Variants in ATP9A observed in about 807,000 individuals in gnomAD.
ATP9A encodes probable phospholipid-transporting ATPase IIA.
ATP9A carries 52 observed loss-of-function variants against 144.1 expected under a neutral mutation model. That is an observed-to-expected ratio of 0.36 (90% CI 0.29 to 0.45). The LOEUF is 0.45. ATP9A is among the 20% of genes least tolerant of loss of function. The pLI is 1.00. For synonymous variants in ATP9A, 582 were observed against 557.4 expected (o/e 1.04, Z -0.62); for missense variants, 947 against 1,392.7 (o/e 0.68, Z 5.09).
At chr20:51,689,826 CAA>C (rs996047159) in intron 8 of ATP9A, among the ~76,000 whole-genome samples, 3 of 151,584 alleles carry the variant, frequency 2.0e-5, no homozygotes, top group Non-Finnish European at 4.4e-5. Flanking sequence ...TAAAAGAGGA[CAA>C]AGTCAGGTGT....
At chr20:51,702,211 A>G (rs1311312060) in intron 4 of ATP9A, among the ~76,000 whole-genome samples, 1 of 151,556 alleles carries the variant, frequency 6.6e-6, no homozygotes, top group Non-Finnish European at 1.5e-5. Flanking sequence ...AGGCAGGAGA[A>G]TCGCTTGAAC....
chr20:51,725,994 T>C (rs2077710826), intron 2 of ATP9A, 62 bp from the exon 3 acceptor site: 2 of 1,010,014 alleles, frequency 2.0e-6, no homozygotes, highest in Admixed American at 3.6e-5. Flanking sequence ...ATCTGGAACA[T>C]TTGGTGGGAA....
intron 4 of ATP9A, among the ~76,000 whole-genome samples, chr20:51,699,400 T>C (rs1368843582): frequency 6.6e-6 from 1 of 151,560 alleles, no homozygotes; most frequent in African/African-American, 2.4e-5. Context: ...TGCACAACTC[T>C]AGACTTTTAG....
At chr20:51,767,297 G>T (rs986553175) in intron 1 of ATP9A, among the ~76,000 whole-genome samples, 1 of 152,080 alleles carries the variant, frequency 6.6e-6, no homozygotes, top group African/African-American at 2.4e-5. Flanking sequence ...TCACCTGCGC[G>T]GCCTGTGGAG....
At chr20:51,743,118 T>C (rs914784638) in intron 1 of ATP9A, among the ~76,000 whole-genome samples, 1 of 152,166 alleles carries the variant, frequency 6.6e-6, no homozygotes, top group Admixed American at 6.6e-5. Context: ...CCAGCCTCCC[T>C]ACTGAGGAGT....
intron 8 of ATP9A, among the ~76,000 whole-genome samples, chr20:51,690,211 G>A (rs1418436351): frequency 6.6e-6 from 1 of 151,060 alleles, no homozygotes; most frequent in Non-Finnish European, 1.5e-5. Context: ...ACAAGGTCAG[G>A]GGATCAAGAC....
chr20:51,743,875 C>CA (rs1240733323), intron 1 of ATP9A, among the ~76,000 whole-genome samples: 1 of 151,418 alleles, frequency 6.6e-6, no homozygotes, highest in Non-Finnish European at 1.5e-5. Context: ...GATGCAGTGG[C>CA]AAACACCTGT....
chr20:51,605,868 G>A (rs190676572), intron 26 of ATP9A, among the ~76,000 whole-genome samples: 10 of 151,214 alleles, frequency 6.6e-5, no homozygotes, highest in African/African-American at 1.2e-4. Flanking sequence ...AGCCGAGATC[G>A]TGCCACTGCA....
intron 13 of ATP9A, among the ~76,000 whole-genome samples, chr20:51,667,048 C>T (rs2077435996): frequency 6.6e-6 from 1 of 152,150 alleles, no homozygotes; most frequent in South Asian, 2.1e-4. Flanking sequence ...CAGCCTCGCA[C>T]AGCTAACCCT....
intron 12 of ATP9A, 73 bp downstream of exon 12, chr20:51,671,042 A>G: frequency 6.4e-7 from 1 of 1,569,656 alleles, no homozygotes; most frequent in South Asian, 1.1e-5. Context: ...GAGAGAGCCC[A>G]AGAATTTCAG....
chr20:51,742,252 G>A (rs1428203473), intron 1 of ATP9A, among the ~76,000 whole-genome samples: 5 of 150,926 alleles, frequency 3.3e-5, no homozygotes, highest in Non-Finnish European at 7.4e-5. Context: ...TTGAGCCCGG[G>A]AAGTCGAGGC....
chr20:51,615,242 C>T (rs2077198774), intron 22 of ATP9A, among the ~76,000 whole-genome samples: 1 of 152,122 alleles, frequency 6.6e-6, no homozygotes, highest in South Asian at 2.1e-4. Context: ...GATAATGTAG[C>T]AAATAGTAAC....
intron 11 of ATP9A, among the ~76,000 whole-genome samples, chr20:51,672,136 A>G (rs2077458835): frequency 6.6e-6 from 1 of 152,086 alleles, no homozygotes; most frequent in African/African-American, 2.4e-5. Context: ...TGTAAGTTGA[A>G]TCATACACTT....
At chr20:51,625,049 A>G (rs2077242340) in intron 18 of ATP9A, 143 bp downstream of exon 18, 4 of 621,034 alleles carry the variant, frequency 6.4e-6, no homozygotes, top group Middle Eastern at 9.1e-4. Flanking sequence ...GGGCAGAAAC[A>G]GTGCCTGTGG....
intron 1 of ATP9A, among the ~76,000 whole-genome samples, chr20:51,753,877 T>C (rs2122908186): frequency 6.6e-6 from 1 of 151,562 alleles, no homozygotes; most frequent in East Asian, 2.0e-4. Flanking sequence ...TTCACCATGT[T>C]GGACAGGCTG....
intron 18 of ATP9A, among the ~76,000 whole-genome samples, chr20:51,624,984 G>A (rs369054121): frequency 3.7e-5 from 5 of 136,758 alleles, no homozygotes; most frequent in South Asian, 2.4e-4. Flanking sequence ...CAGCCTGGGC[G>A]ACACAGCGAG....
chr20:51,685,391 T>C (rs2077518714), intron 9 of ATP9A, among the ~76,000 whole-genome samples: 1 of 151,704 alleles, frequency 6.6e-6, no homozygotes, highest in Non-Finnish European at 1.5e-5. Context: ...AAACCCCAAC[T>C]CTACTAAAAA....
At chr20:51,668,320 G>T (rs966563463) in intron 13 of ATP9A, among the ~76,000 whole-genome samples, 4 of 151,798 alleles carry the variant, frequency 2.6e-5, no homozygotes, top group African/African-American at 9.7e-5. Flanking sequence ...CCCTGGGAGA[G>T]AATAGGTTTA....
Position 51,625,235 on chromosome 20 carries a change from T to A in ATP9A, c.1973A>T (p.Asp658Val). The change falls in exon 18 of 28, where the codon GAT becomes GTT. Residue 658 changes from aspartate to valine, a missense_variant. By Grantham distance (152) the Asp-to-Val change is radical (BLOSUM62 -3). This residue lies in a region of ATP9A where 770 missense variants were observed against 1,047.9 expected (regional missense o/e 0.73). Transcript: ENST00000338821. The part of the protein sequence containing the change: ...LTGVEDQLQA[D>V]VRPTLETLRN... Reference sequence around the variant, plus strand: ...CAGGGTCTCCAGCGTGGGCCGCACATCTGCCTGCAGCTGGTCCTCCACGCC... The same window carrying A: ...CAGGGTCTCCAGCGTGGGCCGCACAACTGCCTGCAGCTGGTCCTCCACGCC... 6.2e-7 allele frequency: 1 copy of A among 1,614,054 alleles called. No homozygotes were observed. The highest frequency in any genetic ancestry group is 8.5e-7 in the Non-Finnish European group (1 of 1,180,024).
Sources: gnomAD v4.1 joint callset for allele counts (sites outside exome capture counted in the v4.1 genomes callset) on GRCh38, gnomAD v4.1.1 for gene constraint, gnomAD v4.1.1 regional missense constraint, MANE v1.5 for transcripts, NCBI Gene and HGNC (gene_info 2026-07-23, HGNC 2026-07-21) for gene names.